The following SOCS5 variants were observed in gnomAD, a reference collection of about 807,000 sequenced individuals.
SOCS5 encodes suppressor of cytokine signaling 5, also known as CIS-6.
SOCS5 carries 32 observed loss-of-function variants against 42.8 expected under a neutral mutation model. The ratio of observed to expected loss-of-function variants is 0.75; its 90% CI spans 0.56 to 1.01. The LOEUF (loss-of-function observed/expected upper bound fraction) is 1.01. SOCS5 is among the 50% of genes least tolerant of loss of function. The pLI, the probability that SOCS5 is intolerant of heterozygous loss-of-function variation, is 0.00. For synonymous variants in SOCS5, 283 were observed against 229.6 expected (o/e 1.23, Z -2.10); for missense variants, 627 against 653.0 (o/e 0.96, Z 0.43).
chr2:46,705,884 A>G (rs971819360), intron 1 of SOCS5, among the ~76,000 whole-genome samples: 6 of 152,364 alleles, frequency 3.9e-5, no homozygotes, highest in African/African-American at 1.4e-4. Context: ...CTACAGGAAT[A>G]TCCTCTGATG....
At chr2:46,750,591 A>G (rs1480440986) in intron 1 of SOCS5, among the ~76,000 whole-genome samples, 2 of 152,208 alleles carry the variant, frequency 1.3e-5, no homozygotes, top group South Asian at 2.1e-4. Context: ...TATAATTAAA[A>G]GTAGTATTCA....
chr2:46,710,387 C>G (rs1003257462), intron 1 of SOCS5, among the ~76,000 whole-genome samples: 2 of 152,178 alleles, frequency 1.3e-5, no homozygotes, highest in African/African-American at 4.8e-5. Context: ...CCTCGTGATC[C>G]ACCCACCTCA....
chr2:46,705,161 T>C (rs1338601587), intron 1 of SOCS5, among the ~76,000 whole-genome samples: 1 of 152,242 alleles, frequency 6.6e-6, no homozygotes, highest in Non-Finnish European at 1.5e-5. Flanking sequence ...CTTTACAGTG[T>C]TTCCCTGAGT....
chr2:46,749,695 C>T (rs4575769), intron 1 of SOCS5, among the ~76,000 whole-genome samples: 18,462 of 152,080 alleles, frequency 0.12, 1,257 homozygotes, highest in Non-Finnish European at 0.15. Flanking sequence ...ACTGTGTTCC[C>T]GGACCTTACC....
rs1293777106 is a variant in SOCS5 at position 46,762,676 on chromosome 2, A to G, written c.*2535A>G. 1 of 166,298 alleles carries G rather than the reference A, an allele frequency of 6.0e-6. No individual in the cohort carries two copies. Among genetic ancestry groups the G allele is most frequent in the African/African-American group, 2.4e-5 (1 of 41,464 alleles). 10.3% of individuals were successfully genotyped at this position (166,298 alleles called of 1,614,324 possible). ...CCAGCATGAACTTGCACCTAAGTCT[A>G]TATTCACTGTGTCCTTTTCTGAATC... On this transcript the variant is annotated 3_prime_UTR_variant, in exon 2 of 2. Coordinates refer to ENST00000394861, the MANE Select transcript of SOCS5 (RefSeq NM_144949.3).
intron 1 of SOCS5, among the ~76,000 whole-genome samples, chr2:46,714,487 A>G (rs1572831700): frequency 6.6e-6 from 1 of 152,100 alleles, no homozygotes; most frequent in African/African-American, 2.4e-5. Context: ...TATCTTTTTC[A>G]TCCTTTTACT....
At chr2:46,706,814 T>C (rs1672503029) in intron 1 of SOCS5, among the ~76,000 whole-genome samples, 1 of 151,408 alleles carries the variant, frequency 6.6e-6, no homozygotes, top group African/African-American at 2.4e-5. Context: ...TGAAGAGGGG[T>C]TGTGGATTGC....
intron 1 of SOCS5, among the ~76,000 whole-genome samples, chr2:46,708,151 C>G (rs1027968322): frequency 4.2e-4 from 64 of 152,170 alleles, no homozygotes; most frequent in Admixed American, 3.8e-3. Context: ...AGGCTCTGCT[C>G]TAGTTCAAGA....
At chr2:46,736,668 G>A (rs1163688153) in intron 1 of SOCS5, among the ~76,000 whole-genome samples, 1 of 152,098 alleles carries the variant, frequency 6.6e-6, no homozygotes, top group Admixed American at 6.6e-5. Flanking sequence ...TCCTATTTAA[G>A]GCTGAATAAT....
chr2:46,742,681 T>C (rs1393724847), intron 1 of SOCS5, among the ~76,000 whole-genome samples: 3 of 152,144 alleles, frequency 2.0e-5, no homozygotes, highest in African/African-American at 7.2e-5. Flanking sequence ...CTTCTTTTTT[T>C]TTGAGACAGA....
At chr2:46,719,776 A>C (rs1672838746) in intron 1 of SOCS5, among the ~76,000 whole-genome samples, 1 of 152,168 alleles carries the variant, frequency 6.6e-6, no homozygotes. Context: ...ATGAACAAAG[A>C]AATAGGTGTG....
Position 46,760,001 on chromosome 2 carries a change from G to A in SOCS5, c.1471G>A (p.Val491Ile). 6.2e-7 allele frequency: 1 copy of A among 1,614,160 alleles called. No individual in the cohort carries two copies. The highest frequency in any genetic ancestry group is 8.5e-7 in the Non-Finnish European group (1 of 1,180,028). Residue 491 changes from valine to isoleucine, a missense_variant, in exon 2 of 2, where the codon GTA becomes ATA. Physicochemically the swap from Val to Ile is conservative, Grantham distance 29. Transcript: ENST00000394861. ...PFSLQYICRA[V>I]ICRCTTYDGI... Reference sequence around the variant, plus strand: ...TAGCCTGCAGTATATCTGTCGCGCGGTAATCTGCAGGTGCACTACGTATGA... The same window carrying A: ...TAGCCTGCAGTATATCTGTCGCGCGATAATCTGCAGGTGCACTACGTATGA...
chr2:46,751,358 C>T (rs772807453), intron 1 of SOCS5, among the ~76,000 whole-genome samples: 1 of 151,820 alleles, frequency 6.6e-6, no homozygotes, highest in Admixed American at 6.6e-5. Flanking sequence ...AGAGGTTTTT[C>T]TCTTTTGCTA....
At position 46,760,842 on chromosome 2, in the gene SOCS5, TAAAAC is replaced by T. The variant is rs1310439605; in HGVS notation, c.*703_*707del. On this transcript the variant is annotated 3_prime_UTR_variant, in exon 2 of 2. Transcript: ENST00000394861. ...AATTTTTTAAATGAGTGCTTTAACT[TAAAAC>T]AGGCGTTTGGAATAGCTGCTGCAAT... 1 of 167,118 alleles carries T rather than the reference TAAAAC, an allele frequency of 6.0e-6. No individual in the cohort carries two copies. Among genetic ancestry groups the T allele is most frequent in the Non-Finnish European group, 1.5e-5 (1 of 68,116 alleles). The allele number at this position is 167,118 out of a possible 1,614,324, so 10.4% of individuals were successfully genotyped here. A position where few individuals can be genotyped will look rare whatever the true frequency, so the allele number is the denominator to read the frequency against.
chr2:46,725,454 G>C (rs889216501), intron 1 of SOCS5, among the ~76,000 whole-genome samples: 1 of 151,708 alleles, frequency 6.6e-6, no homozygotes, highest in African/African-American at 2.4e-5. Context: ...CCCCCTTCCT[G>C]CTGTCTTTTG....
In SOCS5 at chr2:46,759,580, T is replaced by C; in HGVS notation, c.1050T>C (p.His350=). 1.2e-6 allele frequency: 2 copies of C among 1,613,952 alleles called. No homozygotes were observed. The highest frequency in any genetic ancestry group is 1.1e-5 in the South Asian group (1 of 91,076). Residue 350 remains histidine, a synonymous_variant, in exon 2 of 2, where the codon CAT becomes CAC. Transcript: ENST00000394861. ...QRQISGDSHT[H]VSRQGAWKVH... ...AGATATCTGGAGACAGCCATACCCA[T>C]GTTAGCAGACAGGGAGCTTGGAAAG...
chr2:46,729,746 C>G (rs1344519022), intron 1 of SOCS5, among the ~76,000 whole-genome samples: 2 of 152,172 alleles, frequency 1.3e-5, no homozygotes, highest in Admixed American at 6.5e-5. Flanking sequence ...CTTATAAACA[C>G]TGTACAGTTA....
intron 1 of SOCS5, among the ~76,000 whole-genome samples, chr2:46,708,979 C>G (rs1328847449): frequency 2.0e-5 from 3 of 149,826 alleles, no homozygotes; most frequent in Non-Finnish European, 4.4e-5. Context: ...CTCCACCTCC[C>G]AGGTTCAACA....
At chr2:46,700,780 A>C (rs1268670714) in intron 1 of SOCS5, among the ~76,000 whole-genome samples, 1 of 152,190 alleles carries the variant, frequency 6.6e-6, no homozygotes, top group African/African-American at 2.4e-5. Flanking sequence ...TGGTCTCCAG[A>C]GTGCACCTCC....
Sources: allele counts gnomAD v4.1 joint callset (sites outside exome capture counted in the v4.1 genomes callset), GRCh38; gene constraint gnomAD v4.1.1; transcripts MANE v1.5; gene names NCBI Gene and HGNC (gene_info 2026-07-23, HGNC 2026-07-21).